Variants in RASA1 observed in about 807,000 individuals in gnomAD.
RASA1 encodes the protein RAS p21 protein activator 1.
RASA1 carries 25 observed loss-of-function variants against 132.2 expected under a neutral mutation model. The ratio of observed to expected loss-of-function variants is 0.19; its 90% CI spans 0.14 to 0.26. The LOEUF is 0.26. Ranked by LOEUF, RASA1 falls within the 10% of genes least tolerant of loss-of-function variation. RASA1 has a pLI of 1.00. For synonymous variants in RASA1, 477 were observed against 449.9 expected, an observed-to-expected ratio of 1.06 and a Z score of -0.76; for missense variants, 964 against 1,299.2, an observed-to-expected ratio of 0.74 and a Z score of 3.97.
At chr5:87,383,615 A>C (rs901028569) in intron 20 of RASA1, 98 bp from the exon 21 acceptor site, 4 of 885,604 alleles carry the variant, frequency 4.5e-6, no homozygotes, top group African/African-American at 1.7e-5. Context: ...TATGGGTTCT[A>C]TGAGTACTAA....
At chr5:87,388,227 T>A (rs1762202311) in intron 23 of RASA1, among the ~76,000 whole-genome samples, 1 of 152,230 alleles carries the variant, frequency 6.6e-6, no homozygotes, top group African/African-American at 2.4e-5. Flanking sequence ...CTTTAATCAC[T>A]GAATGTATTC....
intron 8 of RASA1, among the ~76,000 whole-genome samples, chr5:87,350,089 C>G (rs183609391): frequency 8.1e-4 from 123 of 151,896 alleles, no homozygotes; most frequent in Non-Finnish European, 1.4e-3. Context: ...CAGCAGTATT[C>G]TCTATCTGAA....
chr5:87,283,113 C>T (rs1422855673), intron 1 of RASA1, among the ~76,000 whole-genome samples: 1 of 148,686 alleles, frequency 6.7e-6, no homozygotes, highest in African/African-American at 2.5e-5. Flanking sequence ...ATCAACATTT[C>T]CTCACCTATC....
At chr5:87,381,992 C>T (rs1761748911) in intron 20 of RASA1, among the ~76,000 whole-genome samples, 1 of 152,104 alleles carries the variant, frequency 6.6e-6, no homozygotes, top group African/African-American at 2.4e-5. Context: ...TGCTCTGTTG[C>T]CCATGCTGGA....
At chr5:87,385,516 G>A (rs1437063353) in intron 22 of RASA1, 127 bp downstream of exon 22, 1 of 739,912 alleles carries the variant, frequency 1.4e-6, no homozygotes, top group African/African-American at 1.8e-5. Flanking sequence ...ATTTTTGTTG[G>A]TATGTTTGTT....
chr5:87,316,496 CCT>C lies in RASA1; in HGVS notation c.540-14846_540-14845del, dbSNP rs201575864. 2.7e-3 allele frequency among the ~76,000 whole-genome samples: 406 copies of C among 152,304 alleles called. 5 individuals are homozygous for C. Among genetic ancestry groups the C allele is most frequent in the East Asian group, 8.3e-3 (43 of 5,178 alleles). On this transcript the variant is annotated intron_variant, in intron 1 of 24. Transcript: ENST00000274376. ...ATTTTTCTCATCCTTAAATTTTCTA[CCT>C]CTCTCCCTCAAATTTCATGGCATTT...
chr5:87,289,674 A>T (rs1754828366), intron 1 of RASA1, among the ~76,000 whole-genome samples: 1 of 152,020 alleles, frequency 6.6e-6, no homozygotes, highest in Non-Finnish European at 1.5e-5. Flanking sequence ...GCAGTGGTGT[A>T]ATCACTGTTC....
At chr5:87,349,961 T>G (rs1245750292) in intron 8 of RASA1, among the ~76,000 whole-genome samples, 5 of 151,858 alleles carry the variant, frequency 3.3e-5, no homozygotes, top group African/African-American at 9.7e-5. Flanking sequence ...GAAAATAATC[T>G]TCATTTGTGA....
At chr5:87,390,713 G>C in intron 24 of RASA1, 87 bp from the exon 25 acceptor site, 1 of 1,075,526 alleles carries the variant, frequency 9.3e-7, no homozygotes. Flanking sequence ...CTTTTGCTTT[G>C]ATACAGTTTT....
chr5:87,278,166 C>A (rs1260915102), intron 1 of RASA1, among the ~76,000 whole-genome samples: 1 of 152,112 alleles, frequency 6.6e-6, no homozygotes, highest in Non-Finnish European at 1.5e-5. Flanking sequence ...CACCTATATT[C>A]TTTTCTATCT....
intron 22 of RASA1, 79 bp from the exon 23 acceptor site, chr5:87,386,747 T>TA: frequency 7.9e-7 from 1 of 1,257,952 alleles, no homozygotes; most frequent in Non-Finnish European, 1.2e-6. Flanking sequence ...CTGTTAACTG[T>TA]AATTACTTTT....
intron 11 of RASA1, among the ~76,000 whole-genome samples, chr5:87,368,247 G>A (rs957705626): frequency 9.2e-5 from 14 of 151,940 alleles, no homozygotes; most frequent in African/African-American, 3.4e-4. Flanking sequence ...CCATTCTGCA[G>A]TTAAATCCAC....
chr5:87,302,790 T>C (rs1313433216), intron 1 of RASA1, among the ~76,000 whole-genome samples: 2 of 151,824 alleles, frequency 1.3e-5, no homozygotes, highest in Non-Finnish European at 2.9e-5. Flanking sequence ...AACAGAATTC[T>C]AACTTCTCAC....
chr5:87,383,297 A>G (rs972266603), intron 20 of RASA1, among the ~76,000 whole-genome samples: 2 of 152,184 alleles, frequency 1.3e-5, no homozygotes, highest in Non-Finnish European at 2.9e-5. Flanking sequence ...AAAATTGTAC[A>G]GAACTATGCT....
At chr5:87,374,461 T>TATA (rs200905236) in intron 14 of RASA1, 141 bp downstream of exon 14, 113 of 151,996 alleles carry the variant, frequency 7.4e-4, no homozygotes, top group African/African-American at 1.3e-3. Flanking sequence ...ATATATATAT[T>TATA]TTTTTTTTTT....
intron 1 of RASA1, chr5:87,331,076 C>T: frequency 9.6e-7 from 1 of 1,037,726 alleles, no homozygotes; most frequent in Non-Finnish European, 1.4e-6. Flanking sequence ...AGCAGGCAAT[C>T]CTGGAAGTAG....
At position 87,281,243 on chromosome 5, in the gene RASA1, CT is replaced by C. The variant is rs1162398873; in HGVS notation, c.539+12269del. 4.0e-3 allele frequency among the ~76,000 whole-genome samples: 565 copies of C among 140,250 alleles called. 1 individual carries two copies. The highest frequency in any genetic ancestry group is 0.018 in the Middle Eastern group (5 of 274). The allele number at this position is 140,250 out of a possible 152,430, so 92.0% of individuals were successfully genotyped here. A position where few individuals can be genotyped will look rare whatever the true frequency, so the allele number is the denominator to read the frequency against. ...GAATTTCTCTGCATCCTTGCCAACACTTTTTTTTTTTTTTTTGAGACGGAGT... is the reference window on the plus strand; with the variant it reads ...GAATTTCTCTGCATCCTTGCCAACACTTTTTTTTTTTTTTTGAGACGGAGT... On this transcript the variant is annotated intron_variant, in intron 1 of 24. Transcript: ENST00000274376.
chr5:87,298,364 G>A (rs977527357), intron 1 of RASA1, among the ~76,000 whole-genome samples: 3 of 149,120 alleles, frequency 2.0e-5, no homozygotes, highest in African/African-American at 7.4e-5. Flanking sequence ...AGCCTAGATC[G>A]TACATGCCAC....
intron 23 of RASA1, 61 bp from the exon 24 acceptor site, chr5:87,389,331 CA>C (rs1443971696): frequency 1.5e-5 from 24 of 1,588,264 alleles, no homozygotes; most frequent in Admixed American, 5.1e-5. Context: ...AACTCTGTCT[CA>C]AAAAAAACAA....
Sources: allele counts gnomAD v4.1 joint callset (sites outside exome capture counted in the v4.1 genomes callset), GRCh38; gene constraint gnomAD v4.1.1; transcripts MANE v1.5; gene names NCBI Gene and HGNC (gene_info 2026-07-23, HGNC 2026-07-21).